The following RXFP1 variants were observed in gnomAD, a reference collection of about 807,000 sequenced individuals.
RXFP1 encodes relaxin family peptide receptor 1.
A neutral mutation model predicts 89.8 loss-of-function variants in RXFP1; 73 were observed. The ratio of observed to expected loss-of-function variants is 0.81; its 90% confidence interval spans 0.67 to 0.99. The LOEUF (loss-of-function observed/expected upper bound fraction) is 0.99, where lower values mean the gene tolerates loss of function less well. RXFP1 is among the 50% of genes least tolerant of loss of function. The probability of loss-of-function intolerance (pLI) is 0.00; values close to 1 mark genes in which losing one functional copy is unlikely to be tolerated. For missense variants in RXFP1, 793 were observed against 895.5 expected (o/e 0.89, Z 1.46); for synonymous variants, 277 against 305.5 (o/e 0.91, Z 0.97).
At chr4:158,563,877 TATA>T (rs1164052108) in intron 1 of RXFP1, among the ~76,000 whole-genome samples, 2 of 148,318 alleles carry the variant, frequency 1.3e-5, no homozygotes, top group Non-Finnish European at 1.5e-5. Context: ...TTATATATAA[TATA>T]ATGTTACATA....
Position 158,599,388 on chromosome 4 carries a change from A to G in RXFP1, c.349A>G (p.Asn117Asp). 1 of 1,613,720 alleles carries G rather than the reference A, an allele frequency of 6.2e-7. No homozygotes were observed. Among genetic ancestry groups the G allele is most frequent in the Non-Finnish European group, 8.5e-7 (1 of 1,179,776 alleles). Residue 117 changes from asparagine (N) to aspartate (D), a missense_variant, in exon 4 of 18, where the codon AAT (asparagine) becomes GAT (aspartate). By Grantham distance (23) the Asn-to-Asp change is conservative. Coordinates refer to ENST00000307765, the MANE Select transcript of RXFP1 (RefSeq NM_021634.4). ...TCTGGAGCTTGACTGTGATGAAACC[A>G]ATTTACGAGCTGTTCCATCGGTTTC... ...QGLELDCDET[N>D]LRAVPSVSSN... is the part of the protein sequence containing the mutation.
At chr4:158,530,456 A>T (rs972307797) in intron 1 of RXFP1, among the ~76,000 whole-genome samples, 17 of 152,176 alleles carry the variant, frequency 1.1e-4, no homozygotes, top group Non-Finnish European at 2.5e-4. Context: ...TTCCCAGAGC[A>T]GGCTAGAAAT....
chr4:158,610,187 C>T (rs1413427056), intron 6 of RXFP1, among the ~76,000 whole-genome samples: 2 of 152,112 alleles, frequency 1.3e-5, no homozygotes, highest in African/African-American at 4.8e-5. Flanking sequence ...ATCGCTTGAA[C>T]CTGGGGGGCG....
intron 13 of RXFP1, among the ~76,000 whole-genome samples, 184 bp from the exon 14 acceptor site, chr4:158,639,076 G>A (rs181049403): frequency 3.9e-5 from 6 of 152,178 alleles, no homozygotes; most frequent in South Asian, 2.1e-4. Flanking sequence ...AAGATAATAC[G>A]TGTATAAATA....
intron 1 of RXFP1, among the ~76,000 whole-genome samples, chr4:158,561,121 C>T (rs982029997): frequency 6.6e-6 from 1 of 152,218 alleles, no homozygotes; most frequent in Admixed American, 6.5e-5. Context: ...AAACCAATCT[C>T]CTTCACTTTT....
At chr4:158,545,866 T>C (rs1402620882) in intron 1 of RXFP1, among the ~76,000 whole-genome samples, 2 of 152,196 alleles carry the variant, frequency 1.3e-5, no homozygotes, top group East Asian at 1.9e-4. Context: ...TGTAGTATAG[T>C]TTGAAGTCAG....
chr4:158,567,950 G>A (rs1735535055), intron 1 of RXFP1, among the ~76,000 whole-genome samples: 1 of 152,180 alleles, frequency 6.6e-6, no homozygotes, highest in South Asian at 2.1e-4. Context: ...TCTTGCAGCT[G>A]CTCACGCTTT....
intron 1 of RXFP1, chr4:158,544,343 T>A (rs1747640435): frequency 4.1e-6 from 4 of 985,210 alleles, no homozygotes; most frequent in Non-Finnish European, 4.8e-6. Flanking sequence ...CAGCATCTCA[T>A]CCTTGCACTG....
At chr4:158,555,928 C>G (rs1321403974) in intron 1 of RXFP1, among the ~76,000 whole-genome samples, 8 of 152,098 alleles carry the variant, frequency 5.3e-5, no homozygotes, top group Admixed American at 5.2e-4. Context: ...CAAAAACCAA[C>G]TCAAAATGAA....
chr4:158,632,762 C>T (rs537834543), intron 11 of RXFP1, among the ~76,000 whole-genome samples: 21 of 151,772 alleles, frequency 1.4e-4, no homozygotes, highest in Non-Finnish European at 2.2e-4. Context: ...CAATCCTAAG[C>T]GGAAGAAAAA....
In RXFP1 at chr4:158,617,006, T is replaced by C. The variant is rs1764716412; in HGVS notation, c.681-125T>C. 5 of 616,260 alleles carry C rather than the reference T, an allele frequency of 8.1e-6. 1 individual carries two copies. In the South Asian group the frequency reaches 1.4e-4, roughly 17 times the overall value. 38.2% of individuals were successfully genotyped at this position (616,260 alleles called of 1,614,324 possible). ...TCCATCTCAAAAAAAAAAAAAAAAT[T>C]AGAAGGAAAAAACAACTAATTTAGT... On this transcript the variant is annotated intron_variant, in intron 8 of 17. Transcript: ENST00000307765.
intron 2 of RXFP1, among the ~76,000 whole-genome samples, chr4:158,587,673 T>C (rs1758565276): frequency 6.6e-6 from 1 of 152,222 alleles, no homozygotes. Flanking sequence ...ATGATTTTAA[T>C]TGTTTAGTTA....
chr4:158,619,691 C>T (rs930247818), intron 9 of RXFP1, among the ~76,000 whole-genome samples: 3 of 152,096 alleles, frequency 2.0e-5, no homozygotes, highest in Admixed American at 2.0e-4. Context: ...TAAACTCACC[C>T]GTCTCAGGGA....
intron 1 of RXFP1, among the ~76,000 whole-genome samples, chr4:158,555,049 A>G (rs1750991027): frequency 6.6e-6 from 1 of 152,192 alleles, no homozygotes; most frequent in African/African-American, 2.4e-5. Flanking sequence ...AAATTTAAGT[A>G]AACAAAACTA....
At chr4:158,522,509 G>A (rs190940799) in intron 1 of RXFP1, among the ~76,000 whole-genome samples, 1 of 152,076 alleles carries the variant, frequency 6.6e-6, no homozygotes, top group Non-Finnish European at 1.5e-5. Context: ...GTTTATCACT[G>A]TTCCTTGAAA....
At chr4:158,604,767 G>C (rs895069343) in intron 4 of RXFP1, among the ~76,000 whole-genome samples, 2 of 152,006 alleles carry the variant, frequency 1.3e-5, no homozygotes, top group African/African-American at 4.8e-5. Flanking sequence ...TCTAATGTTT[G>C]TTAAATACAA....
chr4:158,590,660 G>C (rs1759264620), intron 2 of RXFP1, among the ~76,000 whole-genome samples: 1 of 152,112 alleles, frequency 6.6e-6, no homozygotes, highest in South Asian at 2.1e-4. Context: ...TTAATTATGA[G>C]AGTCCCAAGT....
chr4:158,596,924 GTCACAA>G (rs1760728946), intron 3 of RXFP1, among the ~76,000 whole-genome samples: 6 of 152,220 alleles, frequency 3.9e-5, no homozygotes, highest in African/African-American at 1.4e-4. Flanking sequence ...GAAGACATTT[GTCACAA>G]GTATAATTAC....
At chr4:158,624,421 A>G (rs1445925522) in intron 9 of RXFP1, among the ~76,000 whole-genome samples, 1 of 152,090 alleles carries the variant, frequency 6.6e-6, no homozygotes, top group Non-Finnish European at 1.5e-5. Context: ...AGAATAGACA[A>G]GATTATAGTC....
Sources: gnomAD v4.1 joint callset for allele counts (sites outside exome capture counted in the v4.1 genomes callset) on GRCh38, gnomAD v4.1.1 for gene constraint, MANE v1.5 for transcripts, NCBI Gene and HGNC (gene_info 2026-07-23, HGNC 2026-07-21) for gene names.